Variants in LSAMP observed in about 807,000 individuals in gnomAD.
The protein encoded by LSAMP is limbic system-associated membrane protein.
In LSAMP, 7 loss-of-function variants were observed where a neutral mutation model predicts 38.6. The ratio of observed to expected loss-of-function variants is 0.18; its 90% CI spans 0.10 to 0.34. LSAMP has a LOEUF of 0.34. Among genes scored for constraint, LSAMP ranks in the 10% least tolerant of loss-of-function variants. The pLI, the probability that LSAMP is intolerant of heterozygous loss-of-function variation, is 1.00. For synonymous variants in LSAMP, 154 were observed against 166.8 expected (o/e 0.92, Z 0.59); for missense variants, 313 against 420.0 (o/e 0.75, Z 2.23).
chr3:116,034,439 C>T (rs2107708552), intron 2 of LSAMP, among the ~76,000 whole-genome samples: 1 of 152,178 alleles, frequency 6.6e-6, no homozygotes, highest in Non-Finnish European at 1.5e-5. Flanking sequence ...GTCACTTAAC[C>T]TCATCTGGAA....
At chr3:116,392,329 G>T (rs1414920574) in intron 1 of LSAMP, among the ~76,000 whole-genome samples, 1 of 152,184 alleles carries the variant, frequency 6.6e-6, no homozygotes, top group Non-Finnish European at 1.5e-5. Context: ...AGGCTGGAGG[G>T]TGTCTGCTCC....
At chr3:116,164,632 T>TATATATATATATAATCCAAATAG in intron 1 of LSAMP, among the ~76,000 whole-genome samples, 1 of 126,684 alleles carries the variant, frequency 7.9e-6, no homozygotes, top group Non-Finnish European at 1.7e-5. Context: ...AATCCAAATA[T>TATATATATATATAATCCAAATAG]ATATATATAT....
intron 1 of LSAMP, among the ~76,000 whole-genome samples, chr3:116,286,473 A>C (rs75701352): frequency 4.2e-4 from 64 of 152,316 alleles, no homozygotes; most frequent in African/African-American, 1.5e-3. Context: ...ATGGAAAGGC[A>C]CAGCTCTCAT....
intron 1 of LSAMP, among the ~76,000 whole-genome samples, chr3:116,339,867 T>C (rs1311845484): frequency 6.6e-6 from 1 of 152,032 alleles, no homozygotes; most frequent in African/African-American, 2.4e-5. Context: ...TACCAACCAC[T>C]GAGCCATTCA....
intron 1 of LSAMP, among the ~76,000 whole-genome samples, chr3:116,359,571 T>C (rs2048274727): frequency 6.6e-6 from 1 of 152,212 alleles, no homozygotes; most frequent in Admixed American, 6.5e-5. Flanking sequence ...AGTAAACTTT[T>C]TATTTTTATT....
At chr3:116,413,436 T>A (rs1305513903) in intron 1 of LSAMP, among the ~76,000 whole-genome samples, 1 of 152,074 alleles carries the variant, frequency 6.6e-6, no homozygotes, top group East Asian at 1.9e-4. Context: ...AGATATTCTA[T>A]ATAATCCTTA....
intron 3 of LSAMP, among the ~76,000 whole-genome samples, chr3:115,995,884 G>C (rs967475887): frequency 9.2e-5 from 14 of 152,010 alleles, no homozygotes; most frequent in African/African-American, 2.9e-4. Flanking sequence ...CAAGTGATTA[G>C]TCTATGGGGA....
intron 4 of LSAMP, among the ~76,000 whole-genome samples, chr3:115,843,475 G>A (rs1935061202): frequency 1.3e-5 from 2 of 152,216 alleles, no homozygotes; most frequent in African/African-American, 4.8e-5. Context: ...CAGGTTATGG[G>A]CCTTCAAGGA....
At chr3:116,202,648 T>G (rs1198601065) in intron 1 of LSAMP, among the ~76,000 whole-genome samples, 1 of 152,008 alleles carries the variant, frequency 6.6e-6, no homozygotes, top group Non-Finnish European at 1.5e-5. Context: ...GGTTTAGAAC[T>G]TTGGGGCTCA....
At chr3:116,059,746 G>A (rs1429258069) in intron 2 of LSAMP, among the ~76,000 whole-genome samples, 2 of 152,182 alleles carry the variant, frequency 1.3e-5, no homozygotes, top group Non-Finnish European at 2.9e-5. Context: ...TATATTGGCT[G>A]ACTCAGCTCC....
In LSAMP at chr3:116,356,795, C is replaced by CT. The variant is rs957877436; in HGVS notation, c.155+88081dup. ...TTTTCTATAGGAAGTCAGTTTCTTT[C>CT]TTTTTTTTTGTTTTTTGAGACGGAG... On this transcript the variant is annotated intron_variant, in intron 1 of 6. Transcript: ENST00000490035. Among the ~76,000 whole-genome samples the CT allele has an allele frequency of 7.0e-4, 106 of 151,422 alleles. 1 individual carries two copies. The highest frequency in any genetic ancestry group is 3.4e-3 in the Middle Eastern group (1 of 294).
At chr3:116,182,377 T>TTA (rs961746607) in intron 1 of LSAMP, among the ~76,000 whole-genome samples, 23 of 150,792 alleles carry the variant, frequency 1.5e-4, no homozygotes, top group African/African-American at 3.9e-4. Context: ...TATATTGAAC[T>TTA]TATATATATA....
At chr3:115,811,559 TGTGA>T (rs1933833121) in intron 6 of LSAMP, among the ~76,000 whole-genome samples, 1 of 129,064 alleles carries the variant, frequency 7.7e-6, no homozygotes. Flanking sequence ...ATGGATTATG[TGTGA>T]GTGTGTGTGT....
At chr3:116,145,245 C>T (rs1364488241) in intron 1 of LSAMP, among the ~76,000 whole-genome samples, 3 of 151,468 alleles carry the variant, frequency 2.0e-5, no homozygotes, top group Admixed American at 6.6e-5. Context: ...TTCTATCAGG[C>T]CATTTTTGGA....
chr3:116,166,792 T>G (rs1370925030), intron 1 of LSAMP, among the ~76,000 whole-genome samples: 1 of 145,352 alleles, frequency 6.9e-6, no homozygotes, highest in Admixed American at 6.8e-5. Context: ...TTTTTGTTTT[T>G]TTTTTTTTTT....
intron 1 of LSAMP, among the ~76,000 whole-genome samples, chr3:116,153,896 G>C (rs985858218): frequency 6.6e-6 from 1 of 151,808 alleles, no homozygotes; most frequent in African/African-American, 2.4e-5. Context: ...AAAAAATATT[G>C]GTTTTAGGGC....
intron 3 of LSAMP, among the ~76,000 whole-genome samples, chr3:115,983,072 T>C (rs772078177): frequency 3.3e-5 from 5 of 151,890 alleles, no homozygotes; most frequent in Admixed American, 6.6e-5. Flanking sequence ...CCCCTGCCAA[T>C]ACCAAAATAT....
chr3:116,018,149 A>G (rs1274906290), intron 3 of LSAMP, among the ~76,000 whole-genome samples: 1 of 152,190 alleles, frequency 6.6e-6, no homozygotes, highest in Admixed American at 6.6e-5. Flanking sequence ...TGTATATATT[A>G]TCAATAAATG....
chr3:116,336,083 C>G (rs1057104936), intron 1 of LSAMP, among the ~76,000 whole-genome samples: 1 of 151,880 alleles, frequency 6.6e-6, no homozygotes, highest in Non-Finnish European at 1.5e-5. Flanking sequence ...AAATTGGACC[C>G]TTGCCTAATA....
Sources: gnomAD v4.1 joint callset for allele counts (sites outside exome capture counted in the v4.1 genomes callset) on GRCh38, gnomAD v4.1.1 for gene constraint, MANE v1.5 for transcripts, NCBI Gene and HGNC (gene_info 2026-07-23, HGNC 2026-07-21) for gene names.